CHST11: variants seen among roughly 807,000 people sequenced by gnomAD.
CHST11 encodes carbohydrate sulfotransferase 11, also known as C4S-1.
Under a neutral mutation model 30.4 loss-of-function variants are expected in CHST11, and 9 were observed. The ratio of observed to expected loss-of-function variants is 0.30; its 90% CI spans 0.18 to 0.52. The LOEUF is 0.52. CHST11 is among the 20% of genes least tolerant of loss of function. CHST11 has a pLI of 0.97. For missense variants in CHST11, 348 were observed against 460.6 expected (o/e 0.76, Z 2.24); for synonymous variants, 152 against 187.8 (o/e 0.81, Z 1.56).
At chr12:104,564,586 C>T (rs533851184) in intron 1 of CHST11, among the ~76,000 whole-genome samples, 4 of 152,350 alleles carry the variant, frequency 2.6e-5, no homozygotes, top group Non-Finnish European at 5.9e-5. Flanking sequence ...CCCCTCACTG[C>T]AAGGCTCTTG....
chr12:104,481,969 C>T (rs1034869376), intron 1 of CHST11, among the ~76,000 whole-genome samples: 1 of 151,514 alleles, frequency 6.6e-6, no homozygotes. Context: ...TCCCGAGTAG[C>T]TGGGATTACA....
At chr12:104,655,165 G>A (rs1441340292) in intron 2 of CHST11, among the ~76,000 whole-genome samples, 1 of 152,260 alleles carries the variant, frequency 6.6e-6, no homozygotes, top group South Asian at 2.1e-4. Flanking sequence ...GCTTTGTCAA[G>A]TTGACGGGGA....
chr12:104,579,782 C>A (rs2038721749), intron 1 of CHST11, among the ~76,000 whole-genome samples: 1 of 152,154 alleles, frequency 6.6e-6, no homozygotes, highest in African/African-American at 2.4e-5. Flanking sequence ...CAGCTTGTAT[C>A]CCACAGATGG....
At chr12:104,615,752 A>T (rs1451078552) in intron 2 of CHST11, among the ~76,000 whole-genome samples, 1 of 151,964 alleles carries the variant, frequency 6.6e-6, no homozygotes, top group Non-Finnish European at 1.5e-5. Flanking sequence ...CATGGTGGAA[A>T]CCCCGTCTCT....
chr12:104,717,886 GT>G (rs2040143877), intron 2 of CHST11, among the ~76,000 whole-genome samples: 1 of 152,104 alleles, frequency 6.6e-6, no homozygotes, highest in African/African-American at 2.4e-5. Context: ...GGAGGCATAG[GT>G]TGCAGTGAGC....
At chr12:104,741,381 A>G (rs1179462193) in intron 2 of CHST11, among the ~76,000 whole-genome samples, 4 of 152,218 alleles carry the variant, frequency 2.6e-5, no homozygotes, top group South Asian at 2.1e-4. Flanking sequence ...GGAAGCATGC[A>G]ACATGCAGAA....
intron 2 of CHST11, among the ~76,000 whole-genome samples, chr12:104,631,455 G>A (rs534627948): frequency 2.0e-3 from 305 of 152,224 alleles, no homozygotes; most frequent in Non-Finnish European, 3.6e-3. Flanking sequence ...CTGCACCTGC[G>A]ACTTGCTTTC....
intron 1 of CHST11, among the ~76,000 whole-genome samples, chr12:104,498,717 C>T (rs971682980): frequency 8.5e-5 from 13 of 152,124 alleles, no homozygotes; most frequent in African/African-American, 2.9e-4. Context: ...TAATGATTTC[C>T]GAGAGAGCCT....
At position 104,693,165 on chromosome 12, in the gene CHST11, G is replaced by A. The variant is rs150484978; in HGVS notation, c.205-63784G>A. Among the ~76,000 whole-genome samples, 575 of 152,096 alleles carry A rather than the reference G, an allele frequency of 3.8e-3. 11 individuals are homozygous for A. The East Asian group carries it at 0.062, about 16-fold the overall frequency. On this transcript the variant is annotated intron_variant, in intron 2 of 2. Transcript: ENST00000303694. ...CATCAATCAGATTGGATCAGGCCCC[G>A]CCCCCCAAAGAACTCATTGTATCTT...
chr12:104,566,718 G>A (rs1031966074), intron 1 of CHST11, among the ~76,000 whole-genome samples: 22 of 152,234 alleles, frequency 1.4e-4, no homozygotes, highest in South Asian at 4.1e-4. Context: ...TTAGAAAGTC[G>A]AAATTACCCT....
At chr12:104,542,543 C>T (rs775345314) in intron 1 of CHST11, among the ~76,000 whole-genome samples, 2 of 152,176 alleles carry the variant, frequency 1.3e-5, no homozygotes, top group African/African-American at 2.4e-5. Context: ...AATTTCATAA[C>T]AATGTAAAAA....
chr12:104,675,383 C>T (rs559814115), intron 2 of CHST11, among the ~76,000 whole-genome samples: 2 of 152,290 alleles, frequency 1.3e-5, no homozygotes, highest in South Asian at 2.1e-4. Context: ...TTGCTTCAAC[C>T]GTAGATTTGC....
intron 1 of CHST11, among the ~76,000 whole-genome samples, chr12:104,476,876 A>G (rs933182670): frequency 1.3e-5 from 2 of 151,486 alleles, no homozygotes; most frequent in Non-Finnish European, 2.9e-5. Flanking sequence ...GGAGGCCACA[A>G]ACTGTGTCCC....
intron 1 of CHST11, among the ~76,000 whole-genome samples, chr12:104,527,608 C>G (rs964866481): frequency 3.3e-5 from 5 of 152,170 alleles, no homozygotes; most frequent in African/African-American, 9.7e-5. Flanking sequence ...TAGCTCTGAG[C>G]CTGGTAGTTA....
At chr12:104,693,771 A>G (rs545107873) in intron 2 of CHST11, among the ~76,000 whole-genome samples, 1 of 152,194 alleles carries the variant, frequency 6.6e-6, no homozygotes, top group South Asian at 2.1e-4. Flanking sequence ...AGTGAAGTAC[A>G]TAGTGGTGAG....
At chr12:104,698,424 C>G (rs1017044611) in intron 2 of CHST11, among the ~76,000 whole-genome samples, 1 of 152,176 alleles carries the variant, frequency 6.6e-6, no homozygotes, top group African/African-American at 2.4e-5. Flanking sequence ...GGGAGCTTTC[C>G]TCGGGCTCCA....
chr12:104,736,885 T>C (rs1403555730), intron 2 of CHST11, among the ~76,000 whole-genome samples: 1 of 152,218 alleles, frequency 6.6e-6, no homozygotes, highest in East Asian at 1.9e-4. Flanking sequence ...GAGAAATGCA[T>C]CCTTCTGCTG....
intron 1 of CHST11, among the ~76,000 whole-genome samples, chr12:104,559,366 C>T (rs1281593694): frequency 6.6e-6 from 1 of 152,250 alleles, no homozygotes; most frequent in African/African-American, 2.4e-5. Context: ...AGCCTTCATT[C>T]CAGGACTAAG....
chr12:104,691,973 G>C (rs1480701479), intron 2 of CHST11, among the ~76,000 whole-genome samples: 6 of 152,240 alleles, frequency 3.9e-5, no homozygotes, highest in Non-Finnish European at 5.9e-5. Context: ...TCTCTGCTAA[G>C]CTGCAGATTC....
Sources: gnomAD v4.1 joint callset for allele counts (sites outside exome capture counted in the v4.1 genomes callset) on GRCh38, gnomAD v4.1.1 for gene constraint, MANE v1.5 for transcripts, NCBI Gene and HGNC (gene_info 2026-07-23, HGNC 2026-07-21) for gene names.